The following ATP13A4 variants were observed in gnomAD, a reference collection of about 807,000 sequenced individuals.
ATP13A4 encodes the protein probable cation-transporting ATPase 13A4.
ATP13A4 carries 114 observed loss-of-function variants against 142.5 expected under a neutral mutation model. That is an observed-to-expected ratio of 0.80 (90% CI 0.69 to 0.93). The LOEUF is 0.93. ATP13A4 is among the 40% of genes least tolerant of loss of function. The probability of loss-of-function intolerance (pLI) is 0.00; values close to 1 mark genes in which losing one functional copy is unlikely to be tolerated. For missense variants in ATP13A4, 1,392 were observed against 1,454.0 expected, an observed-to-expected ratio of 0.96 and a Z score of 0.69; for synonymous variants, 488 against 514.8, an observed-to-expected ratio of 0.95 and a Z score of 0.70.
intron 3 of ATP13A4, among the ~76,000 whole-genome samples, chr3:193,498,947 A>G (rs188177131): frequency 6.6e-6 from 1 of 152,350 alleles, no homozygotes; most frequent in East Asian, 1.9e-4. Context: ...TTTTTTTATT[A>G]AATAAATGAA....
intron 28 of ATP13A4, among the ~76,000 whole-genome samples, chr3:193,410,264 C>T (rs896651784): frequency 1.0e-4 from 15 of 148,898 alleles, no homozygotes; most frequent in African/African-American, 3.3e-4. Context: ...ATTTTTAAAG[C>T]CGTAAAAAAA....
chr3:193,411,008 T>C lies in ATP13A4; in HGVS notation c.3271A>G (p.Ile1091Val). 6.2e-7 allele frequency: 1 copy of C among 1,609,510 alleles called. No homozygotes were observed. The highest frequency in any genetic ancestry group is 2.2e-5 in the East Asian group (1 of 44,692). ...TCCAAACGTCTATATAATTCTGGTATATCAGCAAATAGAATGAATAGACAT... is the reference window on the plus strand; with the variant it reads ...TCCAAACGTCTATATAATTCTGGTACATCAGCAAATAGAATGAATAGACAT... ...GVCLFILFAD[I>V]PELYRRLDLL... Residue 1091 changes from isoleucine (I) to valine (V), a missense_variant, in exon 28 of 30, where the codon ATA becomes GTA. Coordinates refer to ENST00000342695, the MANE Select transcript of ATP13A4 (RefSeq NM_032279.4).
chr3:193,510,192 G>A (rs1458530644), intron 2 of ATP13A4, among the ~76,000 whole-genome samples: 1 of 152,174 alleles, frequency 6.6e-6, no homozygotes, highest in Admixed American at 6.5e-5. Context: ...GCCGCCTGAC[G>A]AGAATACTGG....
chr3:193,495,683 C>T (rs1720184605), intron 3 of ATP13A4, among the ~76,000 whole-genome samples: 1 of 152,094 alleles, frequency 6.6e-6, no homozygotes, highest in African/African-American at 2.4e-5. Flanking sequence ...ACAGGAATGC[C>T]TGTTTTCATC....
chr3:193,444,686 T>C (rs1390263154), intron 18 of ATP13A4, among the ~76,000 whole-genome samples: 1 of 152,228 alleles, frequency 6.6e-6, no homozygotes, highest in African/African-American at 2.4e-5. Flanking sequence ...GAGACATTCC[T>C]GGTTATAAGG....
intron 1 of ATP13A4, among the ~76,000 whole-genome samples, chr3:193,586,783 G>C (rs1724680381): frequency 6.6e-6 from 1 of 152,216 alleles, no homozygotes; most frequent in South Asian, 2.1e-4. Context: ...TATTGAGGTA[G>C]GGTAGGTTTA....
At chr3:193,449,387 C>T (rs1319998670) in intron 17 of ATP13A4, among the ~76,000 whole-genome samples, 1 of 152,180 alleles carries the variant, frequency 6.6e-6, no homozygotes, top group Non-Finnish European at 1.5e-5. Flanking sequence ...GACTCCTTGC[C>T]TGTCTCAATA....
At chr3:193,446,661 G>T (rs1267126811) in intron 18 of ATP13A4, among the ~76,000 whole-genome samples, 1 of 151,962 alleles carries the variant, frequency 6.6e-6, no homozygotes, top group Non-Finnish European at 1.5e-5. Flanking sequence ...CAGATATTAT[G>T]ATGACTTAAT....
chr3:193,583,815 G>C (rs1037010002), intron 1 of ATP13A4, among the ~76,000 whole-genome samples: 1 of 152,118 alleles, frequency 6.6e-6, no homozygotes, highest in African/African-American at 2.4e-5. Context: ...GCAGGAAAAG[G>C]CAAAAGTGTC....
chr3:193,438,896 G>A (rs1716458359), intron 22 of ATP13A4, 127 bp downstream of exon 22: 8 of 1,034,542 alleles, frequency 7.7e-6, no homozygotes, highest in Non-Finnish European at 1.2e-5. Context: ...TATGCCAGGA[G>A]TATACCTCTA....
intron 1 of ATP13A4, 24 bp from the exon 2 acceptor site, chr3:193,514,895 C>G (rs772415714): frequency 6.2e-7 from 1 of 1,610,114 alleles, no homozygotes; most frequent in Non-Finnish European, 8.5e-7. Flanking sequence ...AAAATGATAC[C>G]AAATATTGGT....
rs58073069 is a variant in ATP13A4, at chr3:193,554,653, C to CGTGTGTGT, written c.60+79_60+86dup. 6.5e-6 allele frequency: 8 copies of CGTGTGTGT among 1,229,612 alleles called. No homozygotes were observed. The African/African-American group carries it at 7.6e-5, about 12-fold the overall frequency. The allele number at this position is 1,229,612 out of a possible 1,614,324, so 76.2% of individuals were successfully genotyped here. A position where few individuals can be genotyped will look rare whatever the true frequency, so the allele number is the denominator to read the frequency against. ...AAAGTCTGTGTGTGTGTGATGCGTG[C>CGTGTGTGT]GTGTGTGTGTGTGTGTGTGTGTGTG... On this transcript the variant is annotated intron_variant, in intron 1 of 29. Transcript: ENST00000342695.
At chr3:193,544,691 C>CA (rs1263385470) in intron 1 of ATP13A4, among the ~76,000 whole-genome samples, 1 of 152,104 alleles carries the variant, frequency 6.6e-6, no homozygotes, top group Non-Finnish European at 1.5e-5. Context: ...AAGACTTATA[C>CA]AAAAAGGGAT....
At chr3:193,526,565 A>G (rs1232743772) in intron 1 of ATP13A4, among the ~76,000 whole-genome samples, 1 of 152,206 alleles carries the variant, frequency 6.6e-6, no homozygotes, top group East Asian at 1.9e-4. Flanking sequence ...GCACACGTAT[A>G]TCTACATAAG....
intron 1 of ATP13A4, among the ~76,000 whole-genome samples, chr3:193,520,363 C>T (rs1432827439): frequency 6.6e-6 from 1 of 152,196 alleles, no homozygotes; most frequent in African/African-American, 2.4e-5. Context: ...CTGCTCTGTG[C>T]CTTTGGTCAT....
At chr3:193,536,477 A>C (rs1410866388) in intron 1 of ATP13A4, among the ~76,000 whole-genome samples, 1 of 152,110 alleles carries the variant, frequency 6.6e-6, no homozygotes, top group Non-Finnish European at 1.5e-5. Flanking sequence ...TCTCAAAAAT[A>C]TAAATAAAAG....
intron 26 of ATP13A4, among the ~76,000 whole-genome samples, chr3:193,413,924 G>A (rs1328966115): frequency 2.0e-5 from 3 of 152,040 alleles, no homozygotes. Flanking sequence ...TGATCTTTGT[G>A]ACCTACTCCC....
chr3:193,490,139 G>A (rs575649435), intron 6 of ATP13A4, among the ~76,000 whole-genome samples: 115 of 152,212 alleles, frequency 7.6e-4, no homozygotes, highest in African/African-American at 2.5e-3. Context: ...TGAGAAATAC[G>A]TCCAAAGTCA....
At chr3:193,568,601 G>A (rs1724192058) in intron 2 of ATP13A4, among the ~76,000 whole-genome samples, 2 of 152,168 alleles carry the variant, frequency 1.3e-5, no homozygotes, top group South Asian at 4.1e-4. Flanking sequence ...ATGATAACAT[G>A]AGTATACATA....
Sources: gnomAD v4.1 joint callset for allele counts (sites outside exome capture counted in the v4.1 genomes callset) on GRCh38, gnomAD v4.1.1 for gene constraint, MANE v1.5 for transcripts, NCBI Gene and HGNC (gene_info 2026-07-23, HGNC 2026-07-21) for gene names.